The following ASTN2 variants were observed in gnomAD, a reference collection of about 807,000 sequenced individuals.
ASTN2 encodes astrotactin 2.
Under a neutral mutation model 139.8 loss-of-function variants are expected in ASTN2, and 54 were observed. That is an observed-to-expected ratio of 0.39 (90% confidence interval 0.31 to 0.48). ASTN2 has a LOEUF of 0.48. Among genes scored for constraint, ASTN2 ranks in the 20% least tolerant of loss-of-function variants. The pLI is 0.95. For missense variants in ASTN2, 1,565 were observed against 1,725.1 expected (o/e 0.91, Z 1.64); for synonymous variants, 756 against 719.5 (o/e 1.05, Z -0.81).
chr9:117,358,353 C>A (rs1346416591), intron 1 of ASTN2, among the ~76,000 whole-genome samples: 1 of 151,966 alleles, frequency 6.6e-6, no homozygotes. Flanking sequence ...GGGGTATTGT[C>A]AGTTTCAATC....
At chr9:116,830,622 T>C (rs969747685) in intron 11 of ASTN2, among the ~76,000 whole-genome samples, 1 of 137,844 alleles carries the variant, frequency 7.3e-6, no homozygotes, top group African/African-American at 2.7e-5. Flanking sequence ...TGAAACCCTG[T>C]CTCTACTAAA....
chr9:116,619,101 G>A (rs1855997563), intron 18 of ASTN2, among the ~76,000 whole-genome samples: 1 of 152,074 alleles, frequency 6.6e-6, no homozygotes, highest in Non-Finnish European at 1.5e-5. Context: ...GACCATGATG[G>A]TGATTTTGCT....
intron 10 of ASTN2, among the ~76,000 whole-genome samples, chr9:116,887,258 A>C (rs1833633616): frequency 6.6e-6 from 1 of 152,126 alleles, no homozygotes; most frequent in Non-Finnish European, 1.5e-5. Context: ...AAACACACAT[A>C]GAAATACATG....
intron 3 of ASTN2, among the ~76,000 whole-genome samples, chr9:117,163,775 T>C (rs1349124491): frequency 6.6e-6 from 1 of 152,040 alleles, no homozygotes; most frequent in East Asian, 1.9e-4. Context: ...AAGTCTTTTT[T>C]CCCCCAACGG....
chr9:117,224,220 A>C (rs773599525), intron 2 of ASTN2, among the ~76,000 whole-genome samples: 13 of 152,246 alleles, frequency 8.5e-5, no homozygotes, highest in Non-Finnish European at 1.8e-4. Flanking sequence ...TGTTTGACTT[A>C]TATGGCTTTG....
chr9:117,370,308 GCA>G (rs1829955158), intron 1 of ASTN2, among the ~76,000 whole-genome samples: 1 of 152,168 alleles, frequency 6.6e-6, no homozygotes, highest in Non-Finnish European at 1.5e-5. Context: ...TTTTCATCAT[GCA>G]CAGTCAATGG....
intron 10 of ASTN2, among the ~76,000 whole-genome samples, chr9:116,933,081 C>T (rs1834954495): frequency 6.7e-6 from 1 of 148,422 alleles, no homozygotes; most frequent in African/African-American, 2.5e-5. Flanking sequence ...ACCCAAAAGA[C>T]AAATCTCCAT....
intron 1 of ASTN2, among the ~76,000 whole-genome samples, chr9:117,353,409 A>G (rs904253537): frequency 4.6e-5 from 7 of 152,286 alleles, no homozygotes; most frequent in African/African-American, 1.4e-4. Flanking sequence ...AGCACTTGAA[A>G]TCTGGCTACT....
chr9:117,413,500 C>T (rs1831230919), intron 1 of ASTN2, among the ~76,000 whole-genome samples: 1 of 152,160 alleles, frequency 6.6e-6, no homozygotes, highest in Non-Finnish European at 1.5e-5. Flanking sequence ...GCAGCGAGCG[C>T]GGGAGAGCTA....
At chr9:116,932,066 C>T (rs1316964739) in intron 10 of ASTN2, among the ~76,000 whole-genome samples, 4 of 152,026 alleles carry the variant, frequency 2.6e-5, no homozygotes, top group African/African-American at 9.7e-5. Context: ...AGAGATAGGA[C>T]CTTAGAGGCC....
chr9:116,919,184 G>A (rs569298599), intron 10 of ASTN2, among the ~76,000 whole-genome samples: 2 of 152,292 alleles, frequency 1.3e-5, no homozygotes, highest in Admixed American at 1.3e-4. Context: ...GTGAGGATCA[G>A]TTCCCAGCTT....
At chr9:117,298,145 A>G (rs1439881737) in intron 1 of ASTN2, among the ~76,000 whole-genome samples, 1 of 152,220 alleles carries the variant, frequency 6.6e-6, no homozygotes, top group Non-Finnish European at 1.5e-5. Context: ...CCCTCATAAT[A>G]AAACCTAATT....
intron 3 of ASTN2, among the ~76,000 whole-genome samples, chr9:117,193,651 A>AAG (rs1211432062): frequency 5.9e-5 from 9 of 151,576 alleles, no homozygotes; most frequent in African/African-American, 9.7e-5. Context: ...AAAAAAAAAA[A>AAG]AAAAAGAAAA....
intron 4 of ASTN2, among the ~76,000 whole-genome samples, chr9:117,106,872 A>G (rs1320488241): frequency 1.3e-5 from 2 of 152,168 alleles, no homozygotes; most frequent in East Asian, 3.9e-4. Context: ...TATACCTGAC[A>G]GCTTTTTCTA....
At chr9:116,636,309 C>T (rs1013523018) in intron 17 of ASTN2, among the ~76,000 whole-genome samples, 3 of 152,204 alleles carry the variant, frequency 2.0e-5, no homozygotes, top group African/African-American at 4.8e-5. Context: ...CTATCCTTAA[C>T]TCTAAGGCAA....
At chr9:117,082,506 T>C (rs778703879) in intron 5 of ASTN2, among the ~76,000 whole-genome samples, 22 of 152,340 alleles carry the variant, frequency 1.4e-4, no homozygotes, top group Non-Finnish European at 3.1e-4. Flanking sequence ...GAAAGTGTGA[T>C]CTTCCTAAAA....
At chr9:116,608,949 A>G (rs1407450790) in intron 19 of ASTN2, among the ~76,000 whole-genome samples, 1 of 152,188 alleles carries the variant, frequency 6.6e-6, no homozygotes, top group Non-Finnish European at 1.5e-5. Flanking sequence ...TACAATGTCC[A>G]AGACGAAAAA....
intron 2 of ASTN2, among the ~76,000 whole-genome samples, chr9:117,251,935 G>A (rs567851522): frequency 6.6e-6 from 1 of 152,138 alleles, no homozygotes; most frequent in South Asian, 2.1e-4. Context: ...GGTCATAAAA[G>A]GAAAAACACA....
chr9:117,095,924 T>A, intron 5 of ASTN2, 120 bp downstream of exon 5: 1 of 885,126 alleles, frequency 1.1e-6, no homozygotes, highest in Non-Finnish European at 1.8e-6. Context: ...CTAAGCTCAG[T>A]TTTAACCAGA....
Sources: allele counts gnomAD v4.1 joint callset (sites outside exome capture counted in the v4.1 genomes callset), GRCh38; gene constraint gnomAD v4.1.1; transcripts MANE v1.5; gene names NCBI Gene and HGNC (gene_info 2026-07-23, HGNC 2026-07-21).